Variants in CSMD1 observed in about 807,000 individuals in gnomAD.
CSMD1 encodes the protein CUB and sushi domain-containing protein 1.
In CSMD1, 213 loss-of-function variants were observed where a neutral mutation model predicts 417.5. The observed-to-expected ratio is 0.51, with a 90% CI of 0.46 to 0.57. The LOEUF (loss-of-function observed/expected upper bound fraction) is 0.57. Ranked by LOEUF, CSMD1 falls within the 20% of genes least tolerant of loss-of-function variation. The pLI is 0.00. For missense variants in CSMD1, 6,923 were observed against 4,529.7 expected, an observed-to-expected ratio of 1.53 and a Z score of -15.17; for synonymous variants, 2,862 against 1,736.8, an observed-to-expected ratio of 1.65 and a Z score of -16.11.
At chr8:3,402,675 CTTTTA>C (rs1205684610) in intron 15 of CSMD1, among the ~76,000 whole-genome samples, 1 of 152,116 alleles carries the variant, frequency 6.6e-6, no homozygotes, top group African/African-American at 2.4e-5. Context: ...GATAATTTCT[CTTTTA>C]TGTTACCAAA....
intron 1 of CSMD1, among the ~76,000 whole-genome samples, chr8:4,710,234 T>C (rs1808201676): frequency 1.3e-5 from 2 of 151,916 alleles, no homozygotes; most frequent in South Asian, 4.1e-4. Context: ...TTATTCAAGG[T>C]ACTATGAAAT....
chr8:4,558,085 C>A (rs1798174894), intron 2 of CSMD1, among the ~76,000 whole-genome samples: 1 of 152,178 alleles, frequency 6.6e-6, no homozygotes, highest in Non-Finnish European at 1.5e-5. Context: ...ATCAATTCCA[C>A]AAACATTTAC....
intron 2 of CSMD1, among the ~76,000 whole-genome samples, chr8:4,632,805 A>G (rs1341322616): frequency 6.6e-6 from 1 of 152,126 alleles, no homozygotes; most frequent in African/African-American, 2.4e-5. Flanking sequence ...AATAAATATA[A>G]TGTGCACTGC....
intron 1 of CSMD1, among the ~76,000 whole-genome samples, chr8:4,955,420 G>C (rs999991363): frequency 1.1e-4 from 17 of 150,832 alleles, no homozygotes; most frequent in African/African-American, 3.7e-4. Context: ...GTGTCTGTTT[G>C]GTGGATGCAC....
intron 11 of CSMD1, among the ~76,000 whole-genome samples, chr8:3,471,175 T>C (rs916230862): frequency 6.6e-6 from 1 of 152,188 alleles, no homozygotes; most frequent in Non-Finnish European, 1.5e-5. Context: ...AGGCATTCGG[T>C]GTTGTCGGCA....
At chr8:3,620,957 A>T (rs1029207561) in intron 7 of CSMD1, among the ~76,000 whole-genome samples, 3 of 152,172 alleles carry the variant, frequency 2.0e-5, no homozygotes, top group African/African-American at 7.2e-5. Flanking sequence ...TAGAGACTTT[A>T]AAGAGGTAAT....
intron 5 of CSMD1, among the ~76,000 whole-genome samples, chr8:3,766,095 G>C (rs1798254247): frequency 6.6e-6 from 1 of 152,160 alleles, no homozygotes; most frequent in Admixed American, 6.5e-5. Context: ...GGCTCAGACA[G>C]ACAAGTAATT....
chr8:3,440,237 T>C (rs938239327), intron 12 of CSMD1, among the ~76,000 whole-genome samples: 1 of 152,106 alleles, frequency 6.6e-6, no homozygotes, highest in African/African-American at 2.4e-5. Context: ...GTATATCAAT[T>C]TGGGAGATTT....
chr8:3,754,230 G>C lies in CSMD1; in HGVS notation c.819-188C>G, dbSNP rs575278034. 6.1e-4 allele frequency among the ~76,000 whole-genome samples: 93 copies of C among 152,166 alleles called. No individual in the cohort carries two copies. In the Middle Eastern group the frequency reaches 0.014, roughly 22 times the overall value. On this transcript the variant is annotated intron_variant, in intron 5 of 69. Coordinates refer to ENST00000635120, the MANE Select transcript of CSMD1 (RefSeq NM_033225.6). ...ATTTTATCTTTGCCCAAACATAAATGCTAAATCCCTAGATGGAATGAATGT... is the reference window on the plus strand; with the variant it reads ...ATTTTATCTTTGCCCAAACATAAATCCTAAATCCCTAGATGGAATGAATGT...
At chr8:3,536,169 G>A (rs1316908415) in intron 10 of CSMD1, among the ~76,000 whole-genome samples, 22 of 152,192 alleles carry the variant, frequency 1.4e-4, no homozygotes, top group Admixed American at 9.8e-4. Context: ...AGGAGAGCAC[G>A]GGGCTTTCAG....
chr8:4,399,658 T>G (rs1279203188), intron 3 of CSMD1, among the ~76,000 whole-genome samples: 1 of 152,134 alleles, frequency 6.6e-6, no homozygotes, highest in East Asian at 1.9e-4. Flanking sequence ...TCAGCACATA[T>G]TGTAGTCTGC....
chr8:4,680,648 T>A (rs766934146), intron 1 of CSMD1, among the ~76,000 whole-genome samples: 1 of 152,058 alleles, frequency 6.6e-6, no homozygotes, highest in Non-Finnish European at 1.5e-5. Flanking sequence ...GGCATGATCT[T>A]GGCTCACTGC....
intron 2 of CSMD1, among the ~76,000 whole-genome samples, chr8:4,614,967 G>A (rs1420219004): frequency 2.0e-5 from 3 of 152,092 alleles, no homozygotes; most frequent in Non-Finnish European, 4.4e-5. Flanking sequence ...CTGAAAAACA[G>A]TCGTATTTGT....
chr8:4,057,984 T>C (rs983036107), intron 3 of CSMD1, among the ~76,000 whole-genome samples: 3 of 151,448 alleles, frequency 2.0e-5, no homozygotes, highest in African/African-American at 7.3e-5. Flanking sequence ...TCCAGCTTTG[T>C]TCTTTTGCCT....
rs558232625 is a variant in CSMD1 at position 4,216,456 on chromosome 8, G to C, written c.416-184357C>G. 1.2e-4 allele frequency among the ~76,000 whole-genome samples: 19 copies of C among 152,292 alleles called. 1 individual carries two copies. In the South Asian group the frequency reaches 3.7e-3, roughly 30 times the overall value. On this transcript the variant is annotated intron_variant, in intron 3 of 69. Coordinates refer to ENST00000635120, the MANE Select transcript of CSMD1 (RefSeq NM_033225.6). ...GTTCCTAAGTAAGTAAGTAAAGCTT[G>C]TTAAATTAGTAATTAGTAAAATTTT... is the stretch of plus-strand genomic sequence containing the variant.
intron 2 of CSMD1, among the ~76,000 whole-genome samples, chr8:4,430,440 G>A (rs1218810645): frequency 6.6e-6 from 1 of 150,874 alleles, no homozygotes; most frequent in African/African-American, 2.4e-5. Flanking sequence ...GGGACCCTGA[G>A]AGGAATTTCA....
intron 2 of CSMD1, among the ~76,000 whole-genome samples, chr8:4,598,981 A>C (rs1288153614): frequency 6.6e-6 from 1 of 152,224 alleles, no homozygotes; most frequent in East Asian, 1.9e-4. Flanking sequence ...TCTTCCAAGA[A>C]AGTTACGTGT....
At chr8:3,182,497 G>T (rs796788848) in intron 36 of CSMD1, among the ~76,000 whole-genome samples, 4 of 152,050 alleles carry the variant, frequency 2.6e-5, no homozygotes, top group African/African-American at 9.7e-5. Context: ...TTACAGGTGT[G>T]AGCCACTGCA....
At chr8:3,365,655 G>T (rs1235931822) in intron 20 of CSMD1, among the ~76,000 whole-genome samples, 1 of 152,160 alleles carries the variant, frequency 6.6e-6, no homozygotes, top group African/African-American at 2.4e-5. Flanking sequence ...CAAAATATAT[G>T]TAGATACTAG....
Sources: allele counts gnomAD v4.1 joint callset (sites outside exome capture counted in the v4.1 genomes callset), GRCh38; gene constraint gnomAD v4.1.1; transcripts MANE v1.5; gene names NCBI Gene and HGNC (gene_info 2026-07-23, HGNC 2026-07-21).